The following PLXNC1 variants were observed in gnomAD, a reference collection of about 807,000 sequenced individuals.
The protein encoded by PLXNC1 is plexin-C1.
Under a neutral mutation model 178.2 loss-of-function variants are expected in PLXNC1, and 75 were observed. That is an observed-to-expected ratio of 0.42 (90% CI 0.35 to 0.51). The LOEUF (loss-of-function observed/expected upper bound fraction) is 0.51, where lower values mean the gene tolerates loss of function less well. Among genes scored for constraint, PLXNC1 ranks in the 20% least tolerant of loss-of-function variants. PLXNC1 has a pLI of 0.02. For missense variants in PLXNC1, 1,503 were observed against 1,984.4 expected (o/e 0.76, Z 4.61); for synonymous variants, 790 against 779.9 (o/e 1.01, Z -0.22).
At chr12:94,159,118 A>G (rs1961282152) in intron 1 of PLXNC1, among the ~76,000 whole-genome samples, 1 of 152,222 alleles carries the variant, frequency 6.6e-6, no homozygotes, top group Non-Finnish European at 1.5e-5. Flanking sequence ...GTGCCAAGCA[A>G]TGTGTGGAGA....
intron 21 of PLXNC1, among the ~76,000 whole-genome samples, chr12:94,273,843 G>T (rs1965736912): frequency 6.6e-6 from 1 of 152,178 alleles, no homozygotes; most frequent in Admixed American, 6.5e-5. Flanking sequence ...AAGGATGCCT[G>T]AAATAGTAAG....
At chr12:94,236,872 G>A (rs1351796422) in intron 9 of PLXNC1, among the ~76,000 whole-genome samples, 4 of 152,118 alleles carry the variant, frequency 2.6e-5, no homozygotes, top group African/African-American at 9.7e-5. Context: ...GTTTTATCTT[G>A]AAAAGGGAAA....
chr12:94,279,441 T>A, intron 21 of PLXNC1, 31 bp from the exon 22 acceptor site: 1 of 1,585,654 alleles, frequency 6.3e-7, no homozygotes, highest in Non-Finnish European at 8.6e-7. Context: ...AATTATCTAA[T>A]AGACTTGGAA....
intron 5 of PLXNC1, 78 bp from the exon 6 acceptor site, chr12:94,219,938 G>A (rs1003979397): frequency 7.4e-6 from 10 of 1,354,966 alleles, no homozygotes; most frequent in Non-Finnish European, 1.0e-5. Context: ...AGGTCAAAGG[G>A]TGAGATCATA....
At chr12:94,263,726 C>A (rs928371617) in intron 20 of PLXNC1, among the ~76,000 whole-genome samples, 1 of 152,144 alleles carries the variant, frequency 6.6e-6, no homozygotes, top group African/African-American at 2.4e-5. Flanking sequence ...AGTCCTGCTG[C>A]CCTCCCTACC....
rs570258699 is a variant in PLXNC1 at position 94,210,855 on chromosome 12, A to G, written c.1554+1151A>G. ...GGAAAAGATTCTTAGGCATCTAAAC[A>G]TAGGTATATCCAAATTCTAATTTCT... is the stretch of plus-strand genomic sequence containing the variant. On this transcript the variant is annotated intron_variant, in intron 5 of 30. Coordinates refer to ENST00000258526, the MANE Select transcript of PLXNC1 (RefSeq NM_005761.3). 2.0e-5 allele frequency among the ~76,000 whole-genome samples: 3 copies of G among 152,350 alleles called. No individual in the cohort carries two copies. The South Asian group carries it at 6.2e-4, about 32-fold the overall frequency.
intron 4 of PLXNC1, among the ~76,000 whole-genome samples, chr12:94,187,832 T>C (rs1037359542): frequency 6.6e-6 from 1 of 151,942 alleles, no homozygotes; most frequent in African/African-American, 2.4e-5. Flanking sequence ...TGATATGAAT[T>C]TGGGAGTTGG....
At chr12:94,204,880 G>A (rs887572112) in intron 4 of PLXNC1, among the ~76,000 whole-genome samples, 15 of 152,116 alleles carry the variant, frequency 9.9e-5, no homozygotes, top group African/African-American at 3.4e-4. Context: ...AAAGTTTTCT[G>A]ATATTATATC....
chr12:94,192,157 T>C (rs979198335), intron 4 of PLXNC1, among the ~76,000 whole-genome samples: 2 of 152,188 alleles, frequency 1.3e-5, no homozygotes, highest in Non-Finnish European at 2.9e-5. Context: ...AATTATTTAA[T>C]TTCAACAAAT....
At chr12:94,202,423 C>T (rs1162858196) in intron 4 of PLXNC1, among the ~76,000 whole-genome samples, 1 of 152,132 alleles carries the variant, frequency 6.6e-6, no homozygotes, top group Non-Finnish European at 1.5e-5. Context: ...TGGGCCTTTC[C>T]CTTTGGGGGA....
chr12:94,231,948 T>G (rs1964115582), intron 9 of PLXNC1, among the ~76,000 whole-genome samples: 1 of 152,224 alleles, frequency 6.6e-6, no homozygotes, highest in Non-Finnish European at 1.5e-5. Context: ...TATGATATGA[T>G]GTCATTCTAA....
At chr12:94,275,774 G>T (rs1175499) in intron 21 of PLXNC1, among the ~76,000 whole-genome samples, 58,439 of 118,418 alleles carry the variant, frequency 0.49, 18,889 homozygotes, top group East Asian at 0.64. Context: ...AGAATGGCGT[G>T]AACCCGGGAG....
intron 9 of PLXNC1, among the ~76,000 whole-genome samples, chr12:94,229,470 T>C: frequency 6.6e-6 from 1 of 152,250 alleles, no homozygotes; most frequent in South Asian, 2.1e-4. Flanking sequence ...ATCCAATAAA[T>C]CATTGCCAAA....
At chr12:94,163,818 A>G in intron 1 of PLXNC1, among the ~76,000 whole-genome samples, 1 of 152,176 alleles carries the variant, frequency 6.6e-6, no homozygotes, top group East Asian at 1.9e-4. Flanking sequence ...ACTTAGTCAG[A>G]TCCCGGTCAA....
At chr12:94,215,230 C>G (rs560350196) in intron 5 of PLXNC1, among the ~76,000 whole-genome samples, 2 of 152,152 alleles carry the variant, frequency 1.3e-5, no homozygotes, top group African/African-American at 4.8e-5. Context: ...ATAGCAAAAC[C>G]TTATTAATTA....
In PLXNC1 at chr12:94,226,630, T is replaced by G; in HGVS notation, c.1816T>G (p.Cys606Gly). Residue 606 changes from cysteine to glycine, a missense_variant, in exon 8 of 31, where the codon TGC becomes GGC. By Grantham distance (159) the Cys-to-Gly change is radical. This residue lies in a region of PLXNC1 where 615 missense variants were observed against 698.6 expected (regional missense o/e 0.88). Coordinates refer to ENST00000258526, the MANE Select transcript of PLXNC1 (RefSeq NM_005761.3). ...KECPACVETG[C>G]AWCKSARRCI... Reference sequence around the variant, plus strand: ...ATGCCCAGCATGCGTAGAAACTGGCTGCGCGTGGTGTAAAAGTGCAAGAAG... The same window carrying G: ...ATGCCCAGCATGCGTAGAAACTGGCGGCGCGTGGTGTAAAAGTGCAAGAAG... The G allele has an allele frequency of 6.2e-7, 1 of 1,613,780 alleles. No individual in the cohort carries two copies.
intron 2 of PLXNC1, among the ~76,000 whole-genome samples, chr12:94,177,529 GA>G (rs1962144381): frequency 7.6e-6 from 1 of 131,154 alleles, no homozygotes; most frequent in Admixed American, 7.2e-5. Context: ...GAGAGAGGGA[GA>G]AAGAAAGAAA....
intron 4 of PLXNC1, among the ~76,000 whole-genome samples, chr12:94,204,575 A>C (rs1259631217): frequency 1.3e-5 from 2 of 152,150 alleles, no homozygotes; most frequent in Non-Finnish European, 2.9e-5. Context: ...TCCCCTCTTA[A>C]AGAGTCTGGA....
chr12:94,277,763 G>A (rs1193764272), intron 21 of PLXNC1: 5 of 360,350 alleles, frequency 1.4e-5, no homozygotes, highest in South Asian at 4.1e-5. Context: ...AATAGTAATT[G>A]TACAGGTTTT....
Sources: gnomAD v4.1 joint callset for allele counts (sites outside exome capture counted in the v4.1 genomes callset) on GRCh38, gnomAD v4.1.1 for gene constraint, gnomAD v4.1.1 regional missense constraint, MANE v1.5 for transcripts, NCBI Gene and HGNC (gene_info 2026-07-23, HGNC 2026-07-21) for gene names.